Variants in USP7 observed in about 807,000 individuals in gnomAD.
USP7 encodes ubiquitin specific peptidase 7, also known as ubiquitin C-terminal hydrolase 7.
Under a neutral mutation model 162.9 loss-of-function variants are expected in USP7, and 9 were observed. The observed-to-expected ratio is 0.06, with a 90% CI of 0.03 to 0.10. The LOEUF (loss-of-function observed/expected upper bound fraction) is 0.10, where lower values mean the gene tolerates loss of function less well. USP7 is among the 10% of genes least tolerant of loss of function. The pLI is 1.00. For missense variants in USP7, 715 were observed against 1,373.7 expected, an observed-to-expected ratio of 0.52 and a Z score of 7.58; for synonymous variants, 562 against 475.9, an observed-to-expected ratio of 1.18 and a Z score of -2.35.
intron 1 of USP7, among the ~76,000 whole-genome samples, chr16:8,954,329 CT>C (rs1297081465): frequency 3.3e-5 from 5 of 152,178 alleles, no homozygotes; most frequent in Admixed American, 1.3e-4. Context: ...CCTTAGATAC[CT>C]TTTTAAGAAA....
chr16:8,896,215 TC>T (rs2061679779), intron 26 of USP7, among the ~76,000 whole-genome samples: 1 of 135,238 alleles, frequency 7.4e-6, no homozygotes, highest in Non-Finnish European at 1.6e-5. Context: ...GGAGAGGGGG[TC>T]CCCTTGAAGC....
At chr16:8,899,303 AATTT>A in intron 22 of USP7, 115 bp from the exon 23 acceptor site, 2 of 1,015,758 alleles carry the variant, frequency 2.0e-6, no homozygotes, top group Non-Finnish European at 3.0e-6. Context: ...ATTCCCTAGA[AATTT>A]ATTAAACAGG....
Position 8,908,323 on chromosome 16 carries a change from TATCC to T in USP7, c.1271+14_1271+17del. On this transcript the variant is annotated intron_variant, in intron 12 of 30. Transcript: ENST00000344836. Reference sequence around the variant, plus strand: ...GCATGATGATGAAATCTTAACTTTATATCCCACTATAGATTACCTATCATTGATC... The same window carrying T: ...GCATGATGATGAAATCTTAACTTTATCACTATAGATTACCTATCATTGATC... 6.3e-7 allele frequency: 1 copy of T among 1,588,964 alleles called. No homozygotes were observed. The highest frequency in any genetic ancestry group is 1.3e-5 in the African/African-American group (1 of 74,550).
chr16:8,949,594 C>G (rs918817997), intron 1 of USP7: 4 of 152,470 alleles, frequency 2.6e-5, no homozygotes, highest in African/African-American at 9.6e-5. Context: ...TACTTTAAGG[C>G]CCACCACAAC....
At chr16:8,957,945 C>T (rs915273189) in intron 1 of USP7, among the ~76,000 whole-genome samples, 2 of 152,130 alleles carry the variant, frequency 1.3e-5, no homozygotes, top group African/African-American at 4.8e-5. Context: ...AGCAATAAAA[C>T]TGAATGAGCA....
chr16:8,904,832 C>T (rs1177717082), intron 14 of USP7, among the ~76,000 whole-genome samples: 2 of 151,832 alleles, frequency 1.3e-5, no homozygotes, highest in African/African-American at 4.8e-5. Flanking sequence ...ATTAGCCAGG[C>T]GTGGTGGCAG....
intron 27 of USP7, 103 bp from the exon 28 acceptor site, chr16:8,895,253 ATTTTTGCT>A: frequency 6.4e-7 from 1 of 1,559,984 alleles, no homozygotes; most frequent in African/African-American, 1.4e-5. Flanking sequence ...GGTAAAGCCT[ATTTTTGCT>A]AAAAAAACGC....
At chr16:8,922,117 A>T (rs912154388) in intron 3 of USP7, among the ~76,000 whole-genome samples, 36 of 152,358 alleles carry the variant, frequency 2.4e-4, no homozygotes, top group African/African-American at 8.4e-4. Context: ...AGATCACATC[A>T]TAATGTGAAC....
intron 3 of USP7, 136 bp downstream of exon 3, chr16:8,923,079 A>G (rs1014168638): frequency 4.6e-6 from 3 of 655,338 alleles, no homozygotes; most frequent in Non-Finnish European, 7.8e-6. Flanking sequence ...TTATACATAT[A>G]CCAGTGGGTT....
At chr16:8,936,465 A>G in intron 1 of USP7, 1 of 1,058,554 alleles carries the variant, frequency 9.4e-7, no homozygotes, top group Non-Finnish European at 1.3e-6. Flanking sequence ...AATTTTACTG[A>G]TACAATGTCT....
rs71155425 is a variant in USP7 at position 8,961,504 on chromosome 16, AGG to A, written c.79+1701_79+1702del. On this transcript the variant is annotated intron_variant, in intron 1 of 30. Coordinates refer to ENST00000344836, the MANE Select transcript of USP7 (RefSeq NM_003470.3). Reference sequence around the variant, plus strand: ...CAAAAATCCGTCTCAAAAAAAAAAAAGGGGGGGGGGGGCAAATACCTTGAAAT... The same window carrying A: ...CAAAAATCCGTCTCAAAAAAAAAAAAGGGGGGGGGGCAAATACCTTGAAAT... 1.9e-3 allele frequency among the ~76,000 whole-genome samples: 116 copies of A among 60,576 alleles called. 5 individuals carry two copies. Among genetic ancestry groups the A allele is most frequent in the African/African-American group, 6.0e-3 (105 of 17,460 alleles). The allele number at this position is 60,576 out of a possible 152,430, so 39.7% of individuals were successfully genotyped here. A position where few individuals can be genotyped will look rare whatever the true frequency, so the allele number is the denominator to read the frequency against.
At chr16:8,929,226 G>A (rs571737431) in intron 2 of USP7, 7 of 328,886 alleles carry the variant, frequency 2.1e-5, no homozygotes, top group African/African-American at 1.3e-4. Flanking sequence ...TCACTCAACC[G>A]CTTTCGGCAT....
rs754149915 is a variant in USP7, at chr16:8,900,662, C to T, written c.2209-32G>A. ...TGAAAGATATAAAATTGTTACACTGCAAGTTTGTCTAACGTTTAATATGGC... is the reference window on the plus strand; with the variant it reads ...TGAAAGATATAAAATTGTTACACTGTAAGTTTGTCTAACGTTTAATATGGC... On this transcript the variant is annotated intron_variant, in intron 20 of 30. Transcript: ENST00000344836. 9 of 1,514,852 alleles carry T rather than the reference C, an allele frequency of 5.9e-6. No individual in the cohort carries two copies. In the East Asian group the frequency reaches 6.8e-5, roughly 11 times the overall value. 93.8% of individuals were successfully genotyped at this position (1,514,852 alleles called of 1,614,324 possible). A position where few individuals can be genotyped will look rare whatever the true frequency, so the allele number is the denominator to read the frequency against.
intron 1 of USP7, among the ~76,000 whole-genome samples, chr16:8,947,753 G>C (rs1449753105): frequency 6.6e-6 from 1 of 152,132 alleles, no homozygotes; most frequent in Non-Finnish European, 1.5e-5. Context: ...ACTTCGACAG[G>C]ATCCTGCCAT....
intron 18 of USP7, 25 bp from the exon 19 acceptor site, chr16:8,901,259 G>T: frequency 1.3e-6 from 2 of 1,524,032 alleles, no homozygotes; most frequent in Non-Finnish European, 1.8e-6. Context: ...AACAAGTTTT[G>T]TTAAGATCCA....
chr16:8,951,973 C>T (rs1899574283), intron 1 of USP7, among the ~76,000 whole-genome samples: 1 of 152,242 alleles, frequency 6.6e-6, no homozygotes, highest in Non-Finnish European at 1.5e-5. Context: ...TGGGGAACCA[C>T]ACCACAACGT....
rs552818059 is a variant in USP7, at chr16:8,931,645, C to T, written c.80-1248G>A. The stretch of plus-strand genomic sequence containing the variant: ...ATATAACTCAAGTTCGGATTCAAAA[C>T]ATTTTAAGTTACCACTGGTAAATAA... On this transcript the variant is annotated intron_variant, in intron 1 of 30. Coordinates refer to ENST00000344836, the MANE Select transcript of USP7 (RefSeq NM_003470.3). Among the ~76,000 whole-genome samples, 19 of 152,336 alleles carry T rather than the reference C, an allele frequency of 1.2e-4. No homozygotes were observed. The South Asian group carries it at 3.9e-3, about 32-fold the overall frequency.
chr16:8,946,539 C>A lies in USP7; in HGVS notation c.80-16142G>T, dbSNP rs1469584779. Reference sequence around the variant, plus strand: ...AAATATCTGCAAATCGCGTATCTTACAAAGACTCAAATCTCAAATATATAA... The same window carrying A: ...AAATATCTGCAAATCGCGTATCTTAAAAAGACTCAAATCTCAAATATATAA... On this transcript the variant is annotated intron_variant, in intron 1 of 30. Coordinates refer to ENST00000344836, the MANE Select transcript of USP7 (RefSeq NM_003470.3). 3.9e-5 allele frequency among the ~76,000 whole-genome samples: 6 copies of A among 152,222 alleles called. No individual in the cohort carries two copies. In the East Asian group the frequency reaches 1.2e-3, roughly 29 times the overall value.
At chr16:8,942,414 T>TG (rs1472170616) in intron 1 of USP7, among the ~76,000 whole-genome samples, 1 of 152,196 alleles carries the variant, frequency 6.6e-6, no homozygotes. Context: ...GCTCCTTTGC[T>TG]GTTCTGCAGC....
Sources: allele counts gnomAD v4.1 joint callset (sites outside exome capture counted in the v4.1 genomes callset), GRCh38; gene constraint gnomAD v4.1.1; transcripts MANE v1.5; gene names NCBI Gene and HGNC (gene_info 2026-07-23, HGNC 2026-07-21).